THSD4: variants seen among roughly 807,000 people sequenced by gnomAD.
THSD4 encodes thrombospondin type 1 domain containing 4, also known as thrombospondin type-1 domain-containing protein 4.
In THSD4, 69 loss-of-function variants were observed where a neutral mutation model predicts 119.0. That is an observed-to-expected ratio of 0.58 (90% CI 0.48 to 0.71). THSD4 has a LOEUF of 0.71. Among genes scored for constraint, THSD4 ranks in the 30% least tolerant of loss-of-function variants. The pLI, the probability that THSD4 is intolerant of heterozygous loss-of-function variation, is 0.00. For synonymous variants in THSD4, 524 were observed against 540.4 expected, an observed-to-expected ratio of 0.97 and a Z score of 0.42; for missense variants, 1,393 against 1,391.1, an observed-to-expected ratio of 1.00 and a Z score of -0.02.
chr15:71,145,811 G>A (rs1303554158), intron 2 of THSD4, among the ~76,000 whole-genome samples: 1 of 152,018 alleles, frequency 6.6e-6, no homozygotes, highest in Non-Finnish European at 1.5e-5. Context: ...ATCAGGAAAT[G>A]GGGAGAAAGA....
At chr15:71,683,382 C>T (rs889575308) in intron 8 of THSD4, among the ~76,000 whole-genome samples, 6 of 152,012 alleles carry the variant, frequency 3.9e-5, no homozygotes, top group African/African-American at 1.4e-4. Context: ...TTACTGTGTG[C>T]CGGGTGGAAT....
rs183689402 is a variant in THSD4 at position 71,576,996 on chromosome 15, G to A, written c.1153-83534G>A. Among the ~76,000 whole-genome samples, 671 of 151,294 alleles carry A rather than the reference G, an allele frequency of 4.4e-3. 5 individuals are homozygous for A. The highest frequency in any genetic ancestry group is 0.01 in the Middle Eastern group (3 of 292). ...TATACAATTACTTTTTAAATAAATA[G>A]AATGTTTTATATAATAAATGGTATT... On this transcript the variant is annotated intron_variant, in intron 7 of 17. Coordinates refer to ENST00000261862, the MANE Select transcript of THSD4 (RefSeq NM_024817.3).
At chr15:71,112,654 A>C (rs1485359270), upstream of THSD4, among the ~76,000 whole-genome samples, 1 of 152,206 alleles carries the variant, frequency 6.6e-6, no homozygotes, top group Non-Finnish European at 1.5e-5. Context: ...CTAGGTAAGC[A>C]CAGGCTAGCC....
intron 7 of THSD4, among the ~76,000 whole-genome samples, chr15:71,569,222 C>T (rs2140896269): frequency 6.6e-6 from 1 of 152,234 alleles, no homozygotes; most frequent in South Asian, 2.1e-4. Context: ...TGAGTGCTGA[C>T]CCACACGGAG....
At chr15:71,534,242 G>C (rs1166336991) in intron 7 of THSD4, among the ~76,000 whole-genome samples, 1 of 152,184 alleles carries the variant, frequency 6.6e-6, no homozygotes, top group Non-Finnish European at 1.5e-5. Flanking sequence ...GAGCCACAGT[G>C]CCTGGCCAAA....
chr15:71,225,334 A>C (rs991375442), intron 4 of THSD4, among the ~76,000 whole-genome samples: 7 of 152,030 alleles, frequency 4.6e-5, no homozygotes, highest in Admixed American at 1.3e-4. Context: ...GATCCTGGAC[A>C]AGTCACCTCA....
chr15:71,489,406 AC>A (rs1454438978), intron 7 of THSD4, among the ~76,000 whole-genome samples: 2 of 151,712 alleles, frequency 1.3e-5, no homozygotes, highest in Admixed American at 1.3e-4. Flanking sequence ...AAAGGTTCTT[AC>A]CCCCCAAATT....
chr15:71,433,774 A>G (rs575190729), intron 7 of THSD4, among the ~76,000 whole-genome samples: 55 of 152,246 alleles, frequency 3.6e-4, no homozygotes, highest in Admixed American at 1.0e-3. Context: ...TGATGGGGCC[A>G]TGTTAGGCTG....
At chr15:71,368,275 G>T (rs2045994080) in intron 6 of THSD4, among the ~76,000 whole-genome samples, 1 of 152,296 alleles carries the variant, frequency 6.6e-6, no homozygotes, top group Non-Finnish European at 1.5e-5. Flanking sequence ...CTGTGCAGAA[G>T]CTCTTTAGTT....
rs771010306 is a variant in THSD4 at position 71,341,485 on chromosome 15, C to A, written c.1016-70202C>A. The A allele has an allele frequency of 1.9e-6, 3 of 1,613,218 alleles. No homozygotes were observed. The Admixed American group carries it at 5.0e-5, about 27-fold the overall frequency. ...TGGGCCACCGACCTTGTGTCCAGCCCCACTGCTTGGCCTGCGCACACCTGC... is the reference window on the plus strand; with the variant it reads ...TGGGCCACCGACCTTGTGTCCAGCCACACTGCTTGGCCTGCGCACACCTGC... On this transcript the variant is annotated intron_variant, in intron 6 of 17. Coordinates refer to ENST00000261862, the MANE Select transcript of THSD4 (RefSeq NM_024817.3).
At chr15:71,110,944 C>T, upstream of THSD4, 1 of 596,118 alleles carries the variant, frequency 1.7e-6, no homozygotes, top group Admixed American at 3.0e-5. Flanking sequence ...CCTAGTTAAT[C>T]ATCGCCGGAA....
intron 4 of THSD4, among the ~76,000 whole-genome samples, chr15:71,233,229 C>A (rs1218343559): frequency 6.6e-6 from 1 of 152,090 alleles, no homozygotes; most frequent in African/African-American, 2.4e-5. Context: ...TATAAGTGGG[C>A]ATTTTATGTC....
At position 71,447,370 on chromosome 15, in the gene THSD4, G is replaced by T. The variant is rs148586099; in HGVS notation, c.1152+35547G>T. ...TCTTGACCTCGTGATCCGCCACCTT[G>T]GCTTCCCACCTTGGCTTCCCAAAGT... is the stretch of plus-strand genomic sequence containing the variant. On this transcript the variant is annotated intron_variant, in intron 7 of 17. Transcript: ENST00000261862. Among the ~76,000 whole-genome samples, 1,078 of 150,292 alleles carry T rather than the reference G, an allele frequency of 7.2e-3. 8 individuals carry two copies. Among genetic ancestry groups the T allele is most frequent in the African/African-American group, 0.026 (1,023 of 39,862 alleles).
At chr15:71,444,953 T>C (rs1299922965) in intron 7 of THSD4, among the ~76,000 whole-genome samples, 4 of 152,212 alleles carry the variant, frequency 2.6e-5, no homozygotes, top group African/African-American at 9.6e-5. Flanking sequence ...CCAAATTCCT[T>C]AGCATGGCAT....
chr15:71,570,501 G>T (rs1453413127), intron 7 of THSD4, among the ~76,000 whole-genome samples: 3 of 151,930 alleles, frequency 2.0e-5, no homozygotes, highest in Non-Finnish European at 4.4e-5. Context: ...CTGCCTCCTG[G>T]GTTCAAGCGA....
At chr15:71,643,215 CTT>C (rs2050900096) in intron 7 of THSD4, among the ~76,000 whole-genome samples, 1 of 152,060 alleles carries the variant, frequency 6.6e-6, no homozygotes, top group Admixed American at 6.5e-5. Flanking sequence ...TGAAAATGAT[CTT>C]GTTTCCAAAG....
In THSD4 at chr15:71,410,756, G is replaced by A. The variant is rs141730798; in HGVS notation, c.1016-931G>A. On this transcript the variant is annotated intron_variant, in intron 6 of 17. Coordinates refer to ENST00000261862, the MANE Select transcript of THSD4 (RefSeq NM_024817.3). ...AGTTTAAAAAGCAGAATATGGCCAG[G>A]TGTGGTGGCTCATGCCTGTAATCCC... Among the ~76,000 whole-genome samples, 4 of 152,326 alleles carry A rather than the reference G, an allele frequency of 2.6e-5. No individual in the cohort carries two copies. The East Asian group carries it at 7.7e-4, about 29-fold the overall frequency.
At chr15:71,687,566 C>A (rs915568834) in intron 8 of THSD4, among the ~76,000 whole-genome samples, 8 of 152,022 alleles carry the variant, frequency 5.3e-5, no homozygotes, top group African/African-American at 1.9e-4. Context: ...ACCAGCCTGG[C>A]CAACATGGTG....
chr15:71,595,121 C>T lies in THSD4; in HGVS notation c.1153-65409C>T, dbSNP rs573628508. Among the ~76,000 whole-genome samples the T allele has an allele frequency of 1.8e-4, 27 of 152,324 alleles. No homozygotes were observed. The South Asian group carries it at 5.6e-3, about 32-fold the overall frequency. On this transcript the variant is annotated intron_variant, in intron 7 of 17. Coordinates refer to ENST00000261862, the MANE Select transcript of THSD4 (RefSeq NM_024817.3). ...CTAAACTAAATGTATGAGCTTCTCT[C>T]TTTAATCAGATTGGGATTGGAAGCT...
Sources: gnomAD v4.1 joint callset for allele counts (sites outside exome capture counted in the v4.1 genomes callset) on GRCh38, gnomAD v4.1.1 for gene constraint, MANE v1.5 for transcripts, NCBI Gene and HGNC (gene_info 2026-07-23, HGNC 2026-07-21) for gene names.